The following PDE4D variants were observed in gnomAD, a reference collection of about 807,000 sequenced individuals.
PDE4D encodes 3',5'-cyclic-AMP phosphodiesterase 4D.
A neutral mutation model predicts 87.4 loss-of-function variants in PDE4D; 24 were observed. The observed-to-expected ratio is 0.27, with a 90% CI of 0.20 to 0.39. The LOEUF is 0.39. Among genes scored for constraint, PDE4D ranks in the 10% least tolerant of loss-of-function variants. PDE4D has a pLI of 1.00. For synonymous variants in PDE4D, 384 were observed against 383.2 expected, an observed-to-expected ratio of 1.00 and a Z score of -0.02; for missense variants, 714 against 1,041.0, an observed-to-expected ratio of 0.69 and a Z score of 4.32.
chr5:60,086,841 G>A (rs1323896164), intron 2 of PDE4D, among the ~76,000 whole-genome samples: 4 of 152,220 alleles, frequency 2.6e-5, no homozygotes, highest in Non-Finnish European at 5.9e-5. Flanking sequence ...AGACTGGCAT[G>A]CAGATCTAGG....
intron 1 of PDE4D, among the ~76,000 whole-genome samples, chr5:60,377,886 G>T (rs1761548742): frequency 1.3e-5 from 2 of 152,180 alleles, no homozygotes; most frequent in Admixed American, 1.3e-4. Context: ...TGAAAAAGAT[G>T]ATCCATCTTC....
chr5:59,710,181 T>C (rs1161024332), intron 1 of PDE4D, among the ~76,000 whole-genome samples: 2 of 152,030 alleles, frequency 1.3e-5, no homozygotes, highest in Admixed American at 6.6e-5. Context: ...GGACCTTGAG[T>C]CAGGGATGAA....
intron 1 of PDE4D, among the ~76,000 whole-genome samples, chr5:60,255,119 G>T (rs1381412446): frequency 6.6e-6 from 1 of 151,784 alleles, no homozygotes; most frequent in Non-Finnish European, 1.5e-5. Context: ...TCATATCAAG[G>T]GATGAAAATG....
intron 5 of PDE4D, among the ~76,000 whole-genome samples, chr5:59,052,585 T>TGGA (rs967740101): frequency 1.7e-4 from 26 of 152,274 alleles, no homozygotes; most frequent in Middle Eastern, 3.4e-3. Flanking sequence ...GGTATCCACT[T>TGGA]TAGTGGTCTA....
intron 1 of PDE4D, among the ~76,000 whole-genome samples, chr5:59,450,980 C>A (rs1192241752): frequency 6.6e-6 from 1 of 152,172 alleles, no homozygotes; most frequent in African/African-American, 2.4e-5. Context: ...ATACTTCTTA[C>A]CTCCTCCTCA....
chr5:60,458,932 C>A (rs973463692), intron 1 of PDE4D, among the ~76,000 whole-genome samples: 4 of 151,902 alleles, frequency 2.6e-5, no homozygotes, highest in African/African-American at 4.8e-5. Context: ...ACAAAGAGCA[C>A]CTTTCCAGTG....
chr5:59,214,748 G>A (rs765682828), intron 2 of PDE4D, among the ~76,000 whole-genome samples: 9 of 152,132 alleles, frequency 5.9e-5, no homozygotes, highest in Non-Finnish European at 8.8e-5. Flanking sequence ...AAGGGTAGAC[G>A]TCAATAATAC....
At chr5:59,416,471 C>T (rs1324596684) in intron 1 of PDE4D, among the ~76,000 whole-genome samples, 3 of 152,088 alleles carry the variant, frequency 2.0e-5, no homozygotes, top group East Asian at 1.9e-4. Flanking sequence ...TGACAATAAT[C>T]CAGATGTTTG....
chr5:58,996,099 G>A (rs1749157558), intron 6 of PDE4D, among the ~76,000 whole-genome samples: 1 of 152,114 alleles, frequency 6.6e-6, no homozygotes, highest in African/African-American at 2.4e-5. Context: ...GAGAACACAT[G>A]GACACAGGGA....
intron 6 of PDE4D, among the ~76,000 whole-genome samples, chr5:59,031,762 A>C (rs1757584571): frequency 6.6e-6 from 1 of 151,562 alleles, no homozygotes; most frequent in African/African-American, 2.4e-5. Flanking sequence ...AAAAGAAAGA[A>C]ATTCTGTCAT....
At chr5:59,110,012 C>T (rs186220473) in intron 5 of PDE4D, among the ~76,000 whole-genome samples, 11 of 152,302 alleles carry the variant, frequency 7.2e-5, no homozygotes, top group Non-Finnish European at 1.2e-4. Flanking sequence ...GATCTCCCTA[C>T]TGCTCACATG....
intron 1 of PDE4D, among the ~76,000 whole-genome samples, chr5:60,261,726 A>T (rs62371960): frequency 0.15 from 23,006 of 152,106 alleles, 2,249 homozygotes; most frequent in Admixed American, 0.25. Flanking sequence ...GATCGGGCTT[A>T]AGTCCTCCTG....
chr5:59,262,672 T>A (rs1429557696), intron 1 of PDE4D, among the ~76,000 whole-genome samples: 2 of 151,886 alleles, frequency 1.3e-5, no homozygotes, highest in Non-Finnish European at 2.9e-5. Flanking sequence ...ATGTGACAAC[T>A]GTGTGGGGTT....
intron 1 of PDE4D, among the ~76,000 whole-genome samples, chr5:60,307,756 G>A (rs552643752): frequency 7.9e-5 from 12 of 151,648 alleles, no homozygotes; most frequent in African/African-American, 2.9e-4. Flanking sequence ...AAAAGTAATG[G>A]CAAATAAGAA....
chr5:59,593,014 G>A (rs922268878), intron 1 of PDE4D, among the ~76,000 whole-genome samples: 3 of 151,372 alleles, frequency 2.0e-5, no homozygotes, highest in Non-Finnish European at 2.9e-5. Flanking sequence ...CTCTTTAAAT[G>A]TTGTTTGCAT....
intron 2 of PDE4D, among the ~76,000 whole-genome samples, chr5:60,070,683 G>A (rs1408923641): frequency 1.3e-5 from 2 of 151,952 alleles, no homozygotes; most frequent in African/African-American, 4.8e-5. Flanking sequence ...TCTGACTTTA[G>A]TATCAGAGTA....
chr5:59,248,588 A>G (rs561715269), intron 1 of PDE4D, among the ~76,000 whole-genome samples: 2 of 152,298 alleles, frequency 1.3e-5, no homozygotes, highest in South Asian at 4.1e-4. Context: ...AAAGGTTTAG[A>G]AGGCAAATAG....
intron 1 of PDE4D, among the ~76,000 whole-genome samples, chr5:59,841,025 A>G (rs1742923426): frequency 1.3e-5 from 2 of 152,062 alleles, no homozygotes; most frequent in African/African-American, 2.4e-5. Context: ...TCCCACACCT[A>G]TTCCCCAAAT....
intron 3 of PDE4D, among the ~76,000 whole-genome samples, chr5:59,962,936 G>A (rs13171634): frequency 2.0e-5 from 3 of 151,986 alleles, no homozygotes; most frequent in African/African-American, 7.2e-5. Context: ...AACCAGCTTC[G>A]GGCCCAGGTT....
Sources: gnomAD v4.1 joint callset for allele counts (sites outside exome capture counted in the v4.1 genomes callset) on GRCh38, gnomAD v4.1.1 for gene constraint, MANE v1.5 for transcripts, NCBI Gene and HGNC (gene_info 2026-07-23, HGNC 2026-07-21) for gene names.